MYO5B: variants seen among roughly 807,000 people sequenced by gnomAD.
MYO5B encodes the protein unconventional myosin-Vb.
In MYO5B, 143 loss-of-function variants were observed where a neutral mutation model predicts 229.3. The ratio of observed to expected loss-of-function variants is 0.62; its 90% CI spans 0.54 to 0.72. The LOEUF (loss-of-function observed/expected upper bound fraction) is 0.72, where lower values mean the gene tolerates loss of function less well. Among genes scored for constraint, MYO5B ranks in the 30% least tolerant of loss-of-function variants. MYO5B has a pLI of 0.00. For missense variants in MYO5B, 2,321 were observed against 2,331.0 expected (o/e 1.00, Z 0.09); for synonymous variants, 918 against 885.2 (o/e 1.04, Z -0.66).
At chr18:50,192,274 G>T (rs535952668) in intron 1 of MYO5B, among the ~76,000 whole-genome samples, 3 of 152,170 alleles carry the variant, frequency 2.0e-5, no homozygotes, top group Admixed American at 6.5e-5. Context: ...CAGAGCTTTC[G>T]ATGGAAATTC....
At chr18:50,139,038 C>A (rs893311969) in intron 1 of MYO5B, among the ~76,000 whole-genome samples, 1 of 152,226 alleles carries the variant, frequency 6.6e-6, no homozygotes. Context: ...GTTACCTTCC[C>A]CAGATAACTT....
chr18:50,145,547 A>T (rs2032488662), intron 1 of MYO5B, among the ~76,000 whole-genome samples: 1 of 148,482 alleles, frequency 6.7e-6, no homozygotes. Context: ...AATTTCTCTC[A>T]GGAGCATCCC....
chr18:50,074,550 A>T (rs2031034225), intron 1 of MYO5B, among the ~76,000 whole-genome samples: 1 of 152,142 alleles, frequency 6.6e-6, no homozygotes, highest in Non-Finnish European at 1.5e-5. Context: ...CTAGCTCGAT[A>T]GGTCTTTTCT....
intron 4 of MYO5B, among the ~76,000 whole-genome samples, chr18:50,005,501 C>G (rs1308923433): frequency 2.0e-5 from 3 of 152,220 alleles, no homozygotes; most frequent in African/African-American, 7.2e-5. Context: ...GCCTCAACCT[C>G]CTGGGCTCAG....
chr18:49,844,441 T>C (rs1359939398), intron 33 of MYO5B, among the ~76,000 whole-genome samples: 4 of 152,150 alleles, frequency 2.6e-5, no homozygotes, highest in Non-Finnish European at 2.9e-5. Context: ...AGGCTCAGAA[T>C]GGCAATGAAG....
At chr18:49,970,410 T>TCTGAGCAGAGCA (rs2025678531) in intron 10 of MYO5B, among the ~76,000 whole-genome samples, 1 of 152,156 alleles carries the variant, frequency 6.6e-6, no homozygotes, top group South Asian at 2.1e-4. Flanking sequence ...GGGAAGGGCC[T>TCTGAGCAGAGCA]CTGAGCAGAG....
intron 1 of MYO5B, chr18:50,097,575 C>G (rs1359618319): frequency 8.2e-6 from 2 of 242,866 alleles, no homozygotes; most frequent in African/African-American, 2.3e-5. Flanking sequence ...AAGTTCTGGT[C>G]TGTTAAAAAT....
chr18:49,984,626 T>C (rs2025851247), intron 8 of MYO5B, 92 bp downstream of exon 8: 2 of 981,930 alleles, frequency 2.0e-6, no homozygotes, highest in East Asian at 4.8e-5. Context: ...CTCCTGCAGG[T>C]TGCTGGCAAG....
intron 16 of MYO5B, among the ~76,000 whole-genome samples, chr18:49,929,820 C>T (rs1598889743): frequency 6.6e-6 from 1 of 152,122 alleles, no homozygotes; most frequent in African/African-American, 2.4e-5. Context: ...CTGTTCTGTG[C>T]CTGAGGCTTT....
chr18:50,149,664 C>T (rs1423852886), intron 1 of MYO5B, among the ~76,000 whole-genome samples: 18 of 150,594 alleles, frequency 1.2e-4, no homozygotes, highest in African/African-American at 4.4e-4. Flanking sequence ...CCCTTCCTTA[C>T]ACCTTATACA....
chr18:49,841,197 T>C (rs1043056178), intron 35 of MYO5B, among the ~76,000 whole-genome samples, 168 bp downstream of exon 35: 3 of 152,186 alleles, frequency 2.0e-5, no homozygotes, highest in Admixed American at 2.0e-4. Context: ...CTCCTGTGGC[T>C]GGCCTTATTG....
At chr18:49,868,930 A>G (rs2024427471) in intron 27 of MYO5B, among the ~76,000 whole-genome samples, 1 of 152,250 alleles carries the variant, frequency 6.6e-6, no homozygotes, top group Non-Finnish European at 1.5e-5. Context: ...AAGGATCAGC[A>G]GAAATTTCTA....
chr18:50,157,632 A>T (rs536661583), intron 1 of MYO5B, among the ~76,000 whole-genome samples: 2 of 152,160 alleles, frequency 1.3e-5, no homozygotes, highest in South Asian at 2.1e-4. Flanking sequence ...GCTGCTTCTC[A>T]TCCTTTGCTT....
intron 17 of MYO5B, among the ~76,000 whole-genome samples, chr18:49,914,185 C>T (rs1353582303): frequency 2.0e-5 from 3 of 152,174 alleles, no homozygotes; most frequent in East Asian, 3.9e-4. Flanking sequence ...CTTCAGGAGT[C>T]GCAGGCTCCC....
chr18:49,872,352 C>G, intron 26 of MYO5B, 120 bp from the exon 27 acceptor site: 2 of 924,410 alleles, frequency 2.2e-6, no homozygotes, highest in South Asian at 2.6e-5. Flanking sequence ...ACACCCCCAC[C>G]CTCCACAAGT....
chr18:49,990,287 G>A (rs2025915189), intron 7 of MYO5B, 152 bp downstream of exon 7: 1 of 671,310 alleles, frequency 1.5e-6, no homozygotes, highest in East Asian at 2.9e-5. Flanking sequence ...TAATTGAGCA[G>A]TGAAATTTAG....
At chr18:50,037,052 G>T in intron 3 of MYO5B, 58 bp from the exon 4 acceptor site, 1 of 1,601,916 alleles carries the variant, frequency 6.2e-7, no homozygotes, top group Non-Finnish European at 8.5e-7. Context: ...GGCATTATTA[G>T]CTCAAGGCAC....
intron 4 of MYO5B, among the ~76,000 whole-genome samples, chr18:50,033,619 A>C (rs536891337): frequency 1.3e-5 from 2 of 152,300 alleles, no homozygotes; most frequent in South Asian, 4.1e-4. Flanking sequence ...GAAGGTAAAA[A>C]TGAGTGAGTG....
chr18:50,132,650 G>T (rs1025686986), intron 1 of MYO5B, among the ~76,000 whole-genome samples: 1 of 152,130 alleles, frequency 6.6e-6, no homozygotes, highest in Non-Finnish European at 1.5e-5. Flanking sequence ...CTCTTCCTGG[G>T]AATAGGGTTG....
Sources: allele counts gnomAD v4.1 joint callset (sites outside exome capture counted in the v4.1 genomes callset), GRCh38; gene constraint gnomAD v4.1.1; transcripts MANE v1.5; gene names NCBI Gene and HGNC (gene_info 2026-07-23, HGNC 2026-07-21).